The following SORCS3 variants were observed in gnomAD, a reference collection of about 807,000 sequenced individuals.
The protein encoded by SORCS3 is sortilin related VPS10 domain containing receptor 3.
In SORCS3, 57 loss-of-function variants were observed where a neutral mutation model predicts 146.3. The ratio of observed to expected loss-of-function variants is 0.39; its 90% CI spans 0.31 to 0.49. SORCS3 has a LOEUF of 0.49. Among genes scored for constraint, SORCS3 ranks in the 20% least tolerant of loss-of-function variants. The pLI is 0.92. For synonymous variants in SORCS3, 653 were observed against 618.5 expected (o/e 1.06, Z -0.83); for missense variants, 1,341 against 1,575.5 (o/e 0.85, Z 2.52).
At chr10:105,254,711 A>G (rs1220440121) in intron 23 of SORCS3, among the ~76,000 whole-genome samples, 2 of 151,992 alleles carry the variant, frequency 1.3e-5, no homozygotes, top group African/African-American at 4.8e-5. Flanking sequence ...AGGCAGGAGA[A>G]TCGCTTGAAC....
At chr10:105,110,476 T>C (rs1173368392) in intron 7 of SORCS3, among the ~76,000 whole-genome samples, 1 of 152,172 alleles carries the variant, frequency 6.6e-6, no homozygotes, top group Non-Finnish European at 1.5e-5. Context: ...GTTTAACTAT[T>C]GCTTATTTTT....
At chr10:104,794,655 G>GAGAGAA (rs2017533030) in intron 1 of SORCS3, among the ~76,000 whole-genome samples, 2 of 126,984 alleles carry the variant, frequency 1.6e-5, no homozygotes, top group Admixed American at 8.3e-5. Context: ...GAGAGAGAGA[G>GAGAGAA]AGAGAATATT....
chr10:104,940,215 TA>T (rs2019298451), intron 3 of SORCS3, among the ~76,000 whole-genome samples: 2 of 14,688 alleles, frequency 1.4e-4, no homozygotes, highest in Non-Finnish European at 2.6e-4. Flanking sequence ...TATATATATA[TA>T]TATATATATA....
chr10:105,120,542 T>C (rs1310064357), intron 7 of SORCS3, among the ~76,000 whole-genome samples: 1 of 152,098 alleles, frequency 6.6e-6, no homozygotes, highest in Non-Finnish European at 1.5e-5. Flanking sequence ...ATCAATCCCT[T>C]AAGCATGGCA....
intron 1 of SORCS3, chr10:104,665,035 T>G (rs1293215747): frequency 6.5e-6 from 1 of 152,824 alleles, no homozygotes; most frequent in African/African-American, 2.4e-5. Context: ...GAGAGTGGCC[T>G]GGGAATAGAG....
intron 19 of SORCS3, among the ~76,000 whole-genome samples, chr10:105,221,453 A>T (rs889437239): frequency 6.6e-6 from 1 of 152,214 alleles, no homozygotes; most frequent in Non-Finnish European, 1.5e-5. Flanking sequence ...TGGTACTTTA[A>T]ACAACCACAT....
chr10:105,069,235 T>C (rs1195800829), intron 5 of SORCS3, among the ~76,000 whole-genome samples: 2 of 152,226 alleles, frequency 1.3e-5, no homozygotes. Flanking sequence ...CAAGCCTTCC[T>C]TTTGCCAGGC....
At chr10:105,160,039 T>C (rs1264773532) in intron 11 of SORCS3, among the ~76,000 whole-genome samples, 2 of 152,174 alleles carry the variant, frequency 1.3e-5, no homozygotes, top group Non-Finnish European at 2.9e-5. Context: ...GCTGTTCCCC[T>C]AGCTGGAGAA....
At chr10:105,222,186 G>C (rs1359287795) in intron 19 of SORCS3, among the ~76,000 whole-genome samples, 1 of 150,288 alleles carries the variant, frequency 6.7e-6, no homozygotes. Context: ...AGCCTCCCAA[G>C]TAGCTGGGAT....
At chr10:104,928,383 A>G (rs563713575) in intron 3 of SORCS3, among the ~76,000 whole-genome samples, 138 of 152,282 alleles carry the variant, frequency 9.1e-4, no homozygotes, top group Middle Eastern at 6.8e-3. Flanking sequence ...AGCAAGAGCA[A>G]TTTTAGCAAA....
chr10:105,234,668 G>A lies in SORCS3; in HGVS notation c.2869-10874G>A, dbSNP rs140838841. Among the ~76,000 whole-genome samples, 409 of 151,284 alleles carry A rather than the reference G, an allele frequency of 2.7e-3. 4 individuals are homozygous for A. The highest frequency in any genetic ancestry group is 4.1e-3 in the Non-Finnish European group (278 of 67,818). Reference sequence around the variant, plus strand: ...TCAGTCTGCTAAAAACACATCAAAGGCATTTTTAAATTTCAGGTACAGTGT... The same window carrying A: ...TCAGTCTGCTAAAAACACATCAAAGACATTTTTAAATTTCAGGTACAGTGT... On this transcript the variant is annotated intron_variant, in intron 20 of 26. Transcript: ENST00000369701.
chr10:104,815,211 G>A (rs1431146660), intron 1 of SORCS3, among the ~76,000 whole-genome samples: 1 of 152,118 alleles, frequency 6.6e-6, no homozygotes, highest in African/African-American at 2.4e-5. Context: ...TCTAATCCCA[G>A]TACTTCAGGA....
intron 1 of SORCS3, among the ~76,000 whole-genome samples, chr10:104,832,573 C>A (rs1431202134): frequency 6.6e-6 from 1 of 152,072 alleles, no homozygotes; most frequent in African/African-American, 2.4e-5. Flanking sequence ...CAAAAATTAC[C>A]CAGGCATGGT....
At chr10:105,231,106 G>A (rs2056763010) in intron 20 of SORCS3, among the ~76,000 whole-genome samples, 1 of 152,170 alleles carries the variant, frequency 6.6e-6, no homozygotes, top group African/African-American at 2.4e-5. Context: ...GGCCAAGCAG[G>A]CTGCCTTGCT....
intron 1 of SORCS3, among the ~76,000 whole-genome samples, chr10:104,780,204 G>A (rs2017359064): frequency 6.6e-6 from 1 of 151,776 alleles, no homozygotes; most frequent in African/African-American, 2.4e-5. Flanking sequence ...AAGACACTGT[G>A]AATTGGAAAT....
intron 16 of SORCS3, among the ~76,000 whole-genome samples, chr10:105,203,200 T>C (rs1205291149): frequency 1.3e-5 from 2 of 152,220 alleles, no homozygotes; most frequent in African/African-American, 4.8e-5. Context: ...ATGGCTTCAG[T>C]GAAATTCATG....
intron 1 of SORCS3, among the ~76,000 whole-genome samples, chr10:104,785,015 A>AG (rs1589498034): frequency 6.6e-6 from 1 of 151,508 alleles, no homozygotes; most frequent in African/African-American, 2.4e-5. Context: ...ACTTCCCAGT[A>AG]GGGGCGGCCG....
chr10:104,735,978 T>C (rs865944632), intron 1 of SORCS3, among the ~76,000 whole-genome samples: 4 of 152,190 alleles, frequency 2.6e-5, no homozygotes, highest in Non-Finnish European at 4.4e-5. Flanking sequence ...CTCCCTCTTT[T>C]CTTTTTCTTC....
In SORCS3 at chr10:104,748,814, TTGCAC is replaced by T. The variant is rs548153936; in HGVS notation, c.628-93976_628-93972del. On this transcript the variant is annotated intron_variant, in intron 1 of 26. Coordinates refer to ENST00000369701, the MANE Select transcript of SORCS3 (RefSeq NM_014978.3). Reference sequence around the variant, plus strand: ...GTTGCAGTGAGCTGAGATCGTGCCATTGCACTCCAGCCTGGGCAAGGGAGCAAGAC... The same window carrying T: ...GTTGCAGTGAGCTGAGATCGTGCCATTCCAGCCTGGGCAAGGGAGCAAGAC... Among the ~76,000 whole-genome samples, 405 of 152,276 alleles carry T rather than the reference TTGCAC, an allele frequency of 2.7e-3. 1 individual carries two copies. The highest frequency in any genetic ancestry group is 2.8e-3 in the Non-Finnish European group (193 of 68,024).
Sources: allele counts gnomAD v4.1 joint callset (sites outside exome capture counted in the v4.1 genomes callset), GRCh38; gene constraint gnomAD v4.1.1; transcripts MANE v1.5; gene names NCBI Gene and HGNC (gene_info 2026-07-23, HGNC 2026-07-21).